The following MYH16 variants were observed in gnomAD, a reference collection of about 807,000 sequenced individuals.
MYH16 encodes the protein myosin heavy chain 16.
At position 99,285,891 on chromosome 7, in the gene MYH16, G is replaced by A. The variant is rs1427224916; in HGVS notation, n.3373+453G>A. On this transcript the variant is annotated intron_variant and non_coding_transcript_variant, in intron 27 of 41. Transcript: ENST00000439784. The stretch of plus-strand genomic sequence containing the variant: ...GGACGTGAGCCCAGAAAGCTGGTGG[G>A]AGACAAATCACAGCGTACCTAACCC... 1.1e-4 allele frequency among the ~76,000 whole-genome samples: 16 copies of A among 152,250 alleles called. No individual in the cohort carries two copies. In the South Asian group the frequency reaches 3.3e-3, roughly 32 times the overall value.
intron 19 of MYH16, among the ~76,000 whole-genome samples, chr7:99,272,206 T>C (rs534272672): frequency 6.6e-6 from 1 of 152,156 alleles, no homozygotes; most frequent in Non-Finnish European, 1.5e-5. Context: ...AAACCCTCTC[T>C]TTATAGTTTC....
At chr7:99,278,176 C>G (rs182897153) in intron 21 of MYH16, among the ~76,000 whole-genome samples, 122 of 152,194 alleles carry the variant, frequency 8.0e-4, no homozygotes, top group Non-Finnish European at 1.4e-3. Context: ...CTCCCAGCCC[C>G]AAGTGATCCT....
intron 33 of MYH16, among the ~76,000 whole-genome samples, chr7:99,295,860 G>T (rs1156523778): frequency 8.8e-6 from 1 of 113,810 alleles, no homozygotes; most frequent in South Asian, 2.6e-4. Flanking sequence ...AAAAAAAAAA[G>T]GCTGGGCACA....
intron 21 of MYH16, among the ~76,000 whole-genome samples, chr7:99,279,205 A>G (rs1792165440): frequency 6.6e-6 from 1 of 151,640 alleles, no homozygotes; most frequent in Non-Finnish European, 1.5e-5. Flanking sequence ...ATAAAAATAA[A>G]AAACTTAGCT....
chr7:99,273,453 AC>A (rs1281023412), intron 20 of MYH16, 30 bp downstream of exon 2: 2 of 456,218 alleles, frequency 4.4e-6, no homozygotes, highest in African/African-American at 2.0e-5. Context: ...GCCAGGGGGG[AC>A]TGCTGCTGCC....
intron 8 of MYH16, chr7:99,254,334 A>T (rs1190660123): frequency 6.6e-6 from 1 of 152,226 alleles, no homozygotes; most frequent in African/African-American, 2.4e-5. Flanking sequence ...TCTCATCCTC[A>T]TAGTAGCCAG....
intron 1 of MYH16, among the ~76,000 whole-genome samples, chr7:99,242,355 A>G (rs1791676449): frequency 2.0e-5 from 3 of 152,064 alleles, no homozygotes; most frequent in Non-Finnish European, 2.9e-5. Context: ...TTCAAGTGGA[A>G]CAGTGGCTAC....
intron 5 of MYH16, chr7:99,251,092 A>AG (rs1274676323): frequency 1.4e-5 from 3 of 209,428 alleles, no homozygotes; most frequent in African/African-American, 6.9e-5. Flanking sequence ...TTTCTGCATC[A>AG]GGGGTCTCTG....
intron 27 of MYH16, 68 bp downstream of exon 9, chr7:99,285,506 T>C (rs974315590): frequency 2.2e-6 from 1 of 453,452 alleles, no homozygotes; most frequent in South Asian, 1.6e-5. Context: ...CAACCATGAA[T>C]AGAAACCTCC....
chr7:99,295,731 G>A (rs1792476017), intron 33 of MYH16, among the ~76,000 whole-genome samples: 1 of 151,840 alleles, frequency 6.6e-6, no homozygotes, highest in Admixed American at 6.6e-5. Flanking sequence ...ACTTTGGGAG[G>A]CTGAGGTGGG....
At chr7:99,265,742 A>G (rs1434976514) in intron 17 of MYH16, 1 of 152,830 alleles carries the variant, frequency 6.5e-6, no homozygotes, top group Non-Finnish European at 1.5e-5. Context: ...TGACCAGCTG[A>G]TAAGTCACAT....
intron 22 of MYH16, among the ~76,000 whole-genome samples, chr7:99,279,956 C>T (rs1029500492): frequency 2.6e-5 from 4 of 152,190 alleles, no homozygotes; most frequent in African/African-American, 7.2e-5. Flanking sequence ...ACTGCAACCT[C>T]CCCCTCCCGG....
intron 2 of MYH16, among the ~76,000 whole-genome samples, chr7:99,246,464 G>A (rs1456177466): frequency 6.6e-6 from 1 of 152,214 alleles, no homozygotes; most frequent in African/African-American, 2.4e-5. Flanking sequence ...CACTTTGGGA[G>A]GCTGAGGTGG....
At chr7:99,250,292 C>G (rs983952711) in intron 5 of MYH16, among the ~76,000 whole-genome samples, 2 of 152,166 alleles carry the variant, frequency 1.3e-5, no homozygotes. Context: ...CTGCCCCAGG[C>G]CATGTCTGCC....
intron 34 of MYH16, among the ~76,000 whole-genome samples, chr7:99,297,361 A>C (rs2051169819): frequency 6.6e-6 from 1 of 152,034 alleles, no homozygotes; most frequent in African/African-American, 2.4e-5. Context: ...TGAACCTGGG[A>C]GGTGGATGTT....
intron 18 of MYH16, among the ~76,000 whole-genome samples, chr7:99,269,132 C>T (rs1792019742): frequency 6.6e-6 from 1 of 152,200 alleles, no homozygotes; most frequent in Admixed American, 6.5e-5. Flanking sequence ...AAAGGTGTTA[C>T]ATTATGAAAC....
At chr7:99,260,053 TAGTG>T in intron 11 of MYH16, 1 of 823,600 alleles carries the variant, frequency 1.2e-6, no homozygotes, top group Non-Finnish European at 1.9e-6. Context: ...TGCCTGACAC[TAGTG>T]GGCCCTCTGC....
intron 36 of MYH16, among the ~76,000 whole-genome samples, chr7:99,298,499 C>T (rs1431235839): frequency 1.3e-5 from 2 of 152,168 alleles, no homozygotes; most frequent in Non-Finnish European, 2.9e-5. Context: ...TCCCAAAGTG[C>T]TGGGATTACA....
chr7:99,276,334 C>T (rs1245955922), intron 20 of MYH16, among the ~76,000 whole-genome samples: 4 of 152,246 alleles, frequency 2.6e-5, no homozygotes, highest in African/African-American at 9.6e-5. Context: ...GGCATTTTCC[C>T]TCCTGGGAAA....
Sources: allele counts gnomAD v4.1 joint callset (sites outside exome capture counted in the v4.1 genomes callset), GRCh38; gene constraint gnomAD v4.1.1; transcripts MANE v1.5; gene names NCBI Gene and HGNC (gene_info 2026-07-23, HGNC 2026-07-21).